Variants in EBF1 observed in about 807,000 individuals in gnomAD.
EBF1 encodes transcription factor COE1.
EBF1 carries 10 observed loss-of-function variants against 68.4 expected under a neutral mutation model. The ratio of observed to expected loss-of-function variants is 0.15; its 90% CI spans 0.09 to 0.25. EBF1 has a LOEUF of 0.25. Among genes scored for constraint, EBF1 ranks in the 10% least tolerant of loss-of-function variants. The probability of loss-of-function intolerance (pLI) is 1.00; values close to 1 mark genes in which losing one functional copy is unlikely to be tolerated. For synonymous variants in EBF1, 298 were observed against 299.8 expected (o/e 0.99, Z 0.06); for missense variants, 509 against 794.4 (o/e 0.64, Z 4.32).
chr5:158,996,830 T>A (rs1377651308), intron 6 of EBF1, among the ~76,000 whole-genome samples: 1 of 152,204 alleles, frequency 6.6e-6, no homozygotes, highest in African/African-American at 2.4e-5. Flanking sequence ...TAGCAAACTT[T>A]TAAATGAAAT....
chr5:158,735,778 G>A (rs945479832), intron 10 of EBF1, among the ~76,000 whole-genome samples: 6 of 152,088 alleles, frequency 3.9e-5, no homozygotes, highest in African/African-American at 7.2e-5. Flanking sequence ...GGTTCCTTCC[G>A]GATCTCATCA....
rs555809008 is a variant in EBF1, at chr5:159,065,678, T to C, written c.554+7718A>G. On this transcript the variant is annotated intron_variant, in intron 6 of 15. Transcript: ENST00000313708. ...AAAAAAACCCACCACAACCTTTACA[T>C]GAACCAAAATTTGAGAATGTCGCCA... Among the ~76,000 whole-genome samples the C allele has an allele frequency of 2.6e-5, 4 of 151,978 alleles. No homozygotes were observed. In the East Asian group the frequency reaches 7.7e-4, roughly 29 times the overall value.
At chr5:159,005,272 A>G (rs1763330027) in intron 6 of EBF1, among the ~76,000 whole-genome samples, 1 of 152,216 alleles carries the variant, frequency 6.6e-6, no homozygotes, top group African/African-American at 2.4e-5. Flanking sequence ...TGCTTTGACT[A>G]CAAGAACTCA....
chr5:158,728,213 C>T (rs940632916), intron 11 of EBF1, among the ~76,000 whole-genome samples: 2 of 152,330 alleles, frequency 1.3e-5, no homozygotes, highest in East Asian at 3.9e-4. Context: ...AGGACAGCCA[C>T]TCGGCTCTGA....
intron 6 of EBF1, among the ~76,000 whole-genome samples, chr5:159,046,848 C>T (rs1344114343): frequency 6.6e-6 from 1 of 152,178 alleles, no homozygotes; most frequent in Non-Finnish European, 1.5e-5. Context: ...TAAATATCCC[C>T]ACTATGAATG....
intron 4 of EBF1, among the ~76,000 whole-genome samples, chr5:159,093,060 T>G (rs1379719847): frequency 6.6e-6 from 1 of 152,198 alleles, no homozygotes; most frequent in Non-Finnish European, 1.5e-5. Context: ...AATTAACTGT[T>G]TTACTCATTA....
chr5:158,721,193 C>T (rs1193838565), intron 11 of EBF1, among the ~76,000 whole-genome samples: 2 of 152,122 alleles, frequency 1.3e-5, no homozygotes, highest in African/African-American at 4.8e-5. Flanking sequence ...TAGATGACAG[C>T]CCTCTTACTT....
intron 5 of EBF1, among the ~76,000 whole-genome samples, chr5:159,080,016 T>C (rs1561967220): frequency 6.6e-6 from 1 of 152,152 alleles, no homozygotes; most frequent in South Asian, 2.1e-4. Context: ...CCCAAGAATA[T>C]AGCCATGCCT....
intron 6 of EBF1, among the ~76,000 whole-genome samples, chr5:158,883,837 A>G (rs550197565): frequency 6.6e-6 from 1 of 152,294 alleles, no homozygotes; most frequent in African/African-American, 2.4e-5. Context: ...TACGAAGATA[A>G]AAAAGCGGTC....
intron 8 of EBF1, among the ~76,000 whole-genome samples, chr5:158,809,161 C>G (rs1422843809): frequency 2.6e-5 from 4 of 152,132 alleles, no homozygotes; most frequent in East Asian, 1.9e-4. Flanking sequence ...TCAACCCATA[C>G]CTGACAATTA....
At chr5:158,910,551 G>A (rs1449405882) in intron 6 of EBF1, among the ~76,000 whole-genome samples, 2 of 152,164 alleles carry the variant, frequency 1.3e-5, no homozygotes, top group African/African-American at 2.4e-5. Flanking sequence ...TTGAATCTCT[G>A]TAGCAAAGAT....
chr5:158,790,277 T>G (rs2127725320), intron 9 of EBF1, among the ~76,000 whole-genome samples: 1 of 152,236 alleles, frequency 6.6e-6, no homozygotes, highest in South Asian at 2.1e-4. Context: ...AGATGCAAAA[T>G]ATGAGGGAAA....
chr5:159,023,222 C>T (rs1038221064), intron 6 of EBF1, among the ~76,000 whole-genome samples: 2 of 150,514 alleles, frequency 1.3e-5, no homozygotes. Flanking sequence ...TTGTGAGACT[C>T]ATTTTATGCA....
intron 6 of EBF1, among the ~76,000 whole-genome samples, chr5:158,871,571 T>TA (rs1158876833): frequency 5.9e-5 from 9 of 152,174 alleles, no homozygotes; most frequent in African/African-American, 4.8e-5. Flanking sequence ...CAGTCTTCTT[T>TA]AAGTTATGAC....
At chr5:158,868,541 G>C (rs1371306533) in intron 6 of EBF1, among the ~76,000 whole-genome samples, 1 of 152,192 alleles carries the variant, frequency 6.6e-6, no homozygotes, top group South Asian at 2.1e-4. Flanking sequence ...TAATACATTA[G>C]AGAGAAGTTC....
At chr5:158,884,895 A>T (rs1799715126) in intron 6 of EBF1, among the ~76,000 whole-genome samples, 1 of 152,188 alleles carries the variant, frequency 6.6e-6, no homozygotes, top group Non-Finnish European at 1.5e-5. Flanking sequence ...AATTTACCCA[A>T]AGTCACCCAG....
At chr5:158,994,765 C>CA (rs1761078763) in intron 6 of EBF1, among the ~76,000 whole-genome samples, 1 of 152,236 alleles carries the variant, frequency 6.6e-6, no homozygotes, top group Admixed American at 6.5e-5. Context: ...TCCAGTAGGG[C>CA]AAAAAACACA....
At position 159,009,111 on chromosome 5, in the gene EBF1, A is replaced by G. The variant is rs533083421; in HGVS notation, c.554+64285T>C. 3.3e-5 allele frequency among the ~76,000 whole-genome samples: 5 copies of G among 152,304 alleles called. No homozygotes were observed. The East Asian group carries it at 9.6e-4, about 29-fold the overall frequency. On this transcript the variant is annotated intron_variant, in intron 6 of 15. Coordinates refer to ENST00000313708, the MANE Select transcript of EBF1 (RefSeq NM_024007.5). ...TATATTTTTAACTTGATGTCAAGCCAAGCCCTTTTTAATTTATGAAGGAGA... is the reference window on the plus strand; with the variant it reads ...TATATTTTTAACTTGATGTCAAGCCGAGCCCTTTTTAATTTATGAAGGAGA...
At chr5:158,978,973 A>G (rs145143221) in intron 6 of EBF1, among the ~76,000 whole-genome samples, 109 of 152,338 alleles carry the variant, frequency 7.2e-4, no homozygotes, top group African/African-American at 2.5e-3. Context: ...TGAGAGACAG[A>G]CAATGCAAAA....
Sources: gnomAD v4.1 joint callset for allele counts (sites outside exome capture counted in the v4.1 genomes callset) on GRCh38, gnomAD v4.1.1 for gene constraint, MANE v1.5 for transcripts, NCBI Gene and HGNC (gene_info 2026-07-23, HGNC 2026-07-21) for gene names.